TBCE: variants seen among roughly 807,000 people sequenced by gnomAD.
TBCE encodes tubulin-specific chaperone E.
A neutral mutation model predicts 77.0 loss-of-function variants in TBCE; 53 were observed. The ratio of observed to expected loss-of-function variants is 0.69; its 90% confidence interval spans 0.55 to 0.87. The LOEUF (loss-of-function observed/expected upper bound fraction) is 0.87, where lower values mean the gene tolerates loss of function less well. TBCE is among the 40% of genes least tolerant of loss of function. The pLI is 0.00. For missense variants in TBCE, 624 were observed against 622.4 expected, an observed-to-expected ratio of 1.00 and a Z score of -0.03; for synonymous variants, 235 against 241.3, an observed-to-expected ratio of 0.97 and a Z score of 0.24.
intron 1 of TBCE, among the ~76,000 whole-genome samples, chr1:235,374,917 T>C (rs1337400577): frequency 2.1e-5 from 3 of 140,832 alleles, no homozygotes; most frequent in Admixed American, 1.4e-4. Context: ...TTTCTTTTTT[T>C]TTCTTTTTTT....
intron 5 of TBCE, among the ~76,000 whole-genome samples, chr1:235,421,022 TG>T (rs1680370687): frequency 6.6e-6 from 1 of 152,246 alleles, no homozygotes; most frequent in African/African-American, 2.4e-5. Flanking sequence ...TTATGAAGTT[TG>T]GAATCTCTTT....
chr1:235,421,952 C>T (rs1053527389), intron 5 of TBCE, among the ~76,000 whole-genome samples: 16 of 152,188 alleles, frequency 1.1e-4, no homozygotes, highest in African/African-American at 3.4e-4. Context: ...TCTGAGGGTT[C>T]ACTTCCCTTG....
At position 235,448,771 on chromosome 1, in the gene TBCE, T is replaced by C; in HGVS notation, c.*9T>C. The C allele has an allele frequency of 6.3e-7, 1 of 1,586,514 alleles. No homozygotes were observed. The highest frequency in any genetic ancestry group is 8.7e-7 in the Non-Finnish European group (1 of 1,155,458). On this transcript the variant is annotated 3_prime_UTR_variant, in exon 17 of 17. Transcript: ENST00000642610. ...TATTAGTGCGATGGTGACAACCAAC[T>C]AATAAAATTTAAAGACCACACTGCT...
At chr1:235,425,949 A>AT (rs1680686174) in intron 5 of TBCE, among the ~76,000 whole-genome samples, 3 of 152,204 alleles carry the variant, frequency 2.0e-5, no homozygotes, top group Non-Finnish European at 4.4e-5. Context: ...GAGCACAGAC[A>AT]GGCCTGCCTG....
In TBCE at chr1:235,436,382, T is replaced by A; in HGVS notation, c.834-4T>A. Reference sequence around the variant, plus strand: ...GTAATCAAATTGTACATTTTGAATTTCAGGTTAGAACAATTAATCCTCTCT... The same window carrying A: ...GTAATCAAATTGTACATTTTGAATTACAGGTTAGAACAATTAATCCTCTCT... On this transcript the variant is annotated splice_region_variant and splice_polypyrimidine_tract_variant and intron_variant, in intron 9 of 16. Coordinates refer to ENST00000642610, the MANE Select transcript of TBCE (RefSeq NM_003193.5). 3 of 1,612,958 alleles carry A rather than the reference T, an allele frequency of 1.9e-6. No individual in the cohort carries two copies. Among genetic ancestry groups the A allele is most frequent in the Non-Finnish European group, 2.5e-6 (3 of 1,178,992 alleles).
chr1:235,404,960 CTTTTTTT>C (rs71174427), intron 3 of TBCE, among the ~76,000 whole-genome samples: 3 of 126,006 alleles, frequency 2.4e-5, no homozygotes, highest in South Asian at 2.6e-4. Context: ...ATGCCCGGTA[CTTTTTTT>C]TTTTTTTTTT....
chr1:235,369,934 C>T (rs1676806573), intron 1 of TBCE, among the ~76,000 whole-genome samples: 1 of 152,136 alleles, frequency 6.6e-6, no homozygotes, highest in Non-Finnish European at 1.5e-5. Flanking sequence ...TTCTCATCTC[C>T]TGTTTGCTCT....
At chr1:235,389,446 G>A (rs1362061440) in intron 2 of TBCE, among the ~76,000 whole-genome samples, 3 of 152,124 alleles carry the variant, frequency 2.0e-5, no homozygotes, top group African/African-American at 4.8e-5. Context: ...TCCTGCCTCA[G>A]CCTCCCGAGT....
intron 4 of TBCE, among the ~76,000 whole-genome samples, chr1:235,416,642 A>T (rs1170461861): frequency 6.6e-6 from 1 of 152,172 alleles, no homozygotes; most frequent in Non-Finnish European, 1.5e-5. Flanking sequence ...TTGCAAATGG[A>T]TTTTCGTCCC....
intron 3 of TBCE, among the ~76,000 whole-genome samples, chr1:235,405,585 A>G (rs1679375659): frequency 6.6e-6 from 1 of 151,982 alleles, no homozygotes; most frequent in Non-Finnish European, 1.5e-5. Flanking sequence ...GCAGTGAGCC[A>G]AGATCACACC....
At chr1:235,380,430 A>G (rs1252616050) in intron 2 of TBCE, among the ~76,000 whole-genome samples, 1 of 151,602 alleles carries the variant, frequency 6.6e-6, no homozygotes, top group African/African-American at 2.4e-5. Flanking sequence ...TGAGGAAACT[A>G]TAAACAGCTA....
intron 11 of TBCE, 53 bp downstream of exon 11, chr1:235,436,661 T>C: frequency 6.6e-7 from 1 of 1,507,616 alleles, no homozygotes. Context: ...TCCACTCTCA[T>C]GGCAGAGTTT....
intron 2 of TBCE, among the ~76,000 whole-genome samples, chr1:235,393,261 G>A (rs966477865): frequency 5.3e-5 from 8 of 151,886 alleles, no homozygotes; most frequent in African/African-American, 7.3e-5. Flanking sequence ...TTTAATGGTC[G>A]GGCGTGGTGG....
intron 16 of TBCE, 76 bp from the exon 17 acceptor site, chr1:235,448,594 G>C: frequency 7.1e-7 from 1 of 1,401,528 alleles, no homozygotes; most frequent in Non-Finnish European, 1.0e-6. Context: ...GGGACGGGGT[G>C]GGGGAAGAGT....
At position 235,381,004 on chromosome 1, in the gene TBCE, C is replaced by T. The variant is rs574886483; in HGVS notation, c.100+855C>T. On this transcript the variant is annotated intron_variant, in intron 2 of 16. Coordinates refer to ENST00000642610, the MANE Select transcript of TBCE (RefSeq NM_003193.5). ...TTCTCCATGTTGGTCAGGCTGGTCT[C>T]GAACTCCTGAGGTGTTCTGCCTGCC... is the stretch of plus-strand genomic sequence containing the variant. Among the ~76,000 whole-genome samples the T allele has an allele frequency of 7.6e-3, 831 of 109,868 alleles. 8 individuals carry two copies. The highest frequency in any genetic ancestry group is 0.038 in the African/African-American group (804 of 21,010). The allele number at this position is 109,868 out of a possible 152,430, so 72.1% of individuals were successfully genotyped here.
chr1:235,384,516 G>A (rs1480576382), intron 2 of TBCE, among the ~76,000 whole-genome samples: 1 of 148,170 alleles, frequency 6.7e-6, no homozygotes, highest in Non-Finnish European at 1.5e-5. Context: ...TCTATTCAGA[G>A]ATTCAACTTC....
chr1:235,450,561 C>T lies in TBCE; in HGVS notation c.*1799C>T, dbSNP rs915951947. 18 of 502,338 alleles carry T rather than the reference C, an allele frequency of 3.6e-5. 1 individual carries two copies. The South Asian group carries it at 3.7e-4, about 10-fold the overall frequency. 31.1% of individuals were successfully genotyped at this position (502,338 alleles called of 1,614,324 possible). A position where few individuals can be genotyped will look rare whatever the true frequency, so the allele number is the denominator to read the frequency against. The stretch of plus-strand genomic sequence containing the variant: ...GTGGCTGTGGAATACAGAAACAAGG[C>T]GGTGTGTGGATGAAGAGTTAGTCAA... On this transcript the variant is annotated 3_prime_UTR_variant, in exon 17 of 17. Coordinates refer to ENST00000642610, the MANE Select transcript of TBCE (RefSeq NM_003193.5).
rs1677747198 is a variant in TBCE, at chr1:235,382,589, G to GT, written c.100+2446dup. Among the ~76,000 whole-genome samples, 4 of 152,028 alleles carry GT rather than the reference G, an allele frequency of 2.6e-5. No homozygotes were observed. The South Asian group carries it at 8.3e-4, about 32-fold the overall frequency. ...AGTGATGGTGAGCATTTTTTCATGT[G>GT]TTTTTTGGCTGCATAAATGTCTTCT... On this transcript the variant is annotated intron_variant, in intron 2 of 16. Transcript: ENST00000642610.
chr1:235,419,438 C>A, intron 4 of TBCE, 35 bp from the exon 5 acceptor site: 1 of 1,614,000 alleles, frequency 6.2e-7, no homozygotes, highest in East Asian at 2.2e-5. Flanking sequence ...AGCATACGTG[C>A]TTATGTATCC....
Sources: gnomAD v4.1 joint callset for allele counts (sites outside exome capture counted in the v4.1 genomes callset) on GRCh38, gnomAD v4.1.1 for gene constraint, MANE v1.5 for transcripts, NCBI Gene and HGNC (gene_info 2026-07-23, HGNC 2026-07-21) for gene names.